AUTS2: variants seen among roughly 807,000 people sequenced by gnomAD.
The protein encoded by AUTS2 is activator of transcription and developmental regulator AUTS2, also known as autism susceptibility gene 2 protein.
AUTS2 carries 17 observed loss-of-function variants against 112.4 expected under a neutral mutation model. The ratio of observed to expected loss-of-function variants is 0.15; its 90% CI spans 0.10 to 0.23. The LOEUF is 0.23. Ranked by LOEUF, AUTS2 falls within the 10% of genes least tolerant of loss-of-function variation. AUTS2 has a pLI of 1.00. For synonymous variants in AUTS2, 751 were observed against 702.7 expected (o/e 1.07, Z -1.09); for missense variants, 1,510 against 1,701.6 (o/e 0.89, Z 1.98).
In AUTS2 at chr7:69,773,496, T is replaced by C. The variant is rs554340790; in HGVS notation, c.310-125790T>C. ...AAAAAAGCTTTAAGAAAAACCTTTT[T>C]CCCCAAGCCTTTGGCTTGGGGAAAG... On this transcript the variant is annotated intron_variant, in intron 1 of 18. Coordinates refer to ENST00000342771, the MANE Select transcript of AUTS2 (RefSeq NM_015570.4). Among the ~76,000 whole-genome samples, 276 of 151,248 alleles carry C rather than the reference T, an allele frequency of 1.8e-3. 1 individual carries two copies. The highest frequency in any genetic ancestry group is 6.5e-3 in the African/African-American group (270 of 41,264).
At chr7:70,093,958 A>G (rs1265234960) in intron 2 of AUTS2, among the ~76,000 whole-genome samples, 1 of 152,240 alleles carries the variant, frequency 6.6e-6, no homozygotes, top group African/African-American at 2.4e-5. Flanking sequence ...TAGGGGCCAG[A>G]TAAAGCAAAT....
At chr7:70,428,501 G>A (rs553591872) in intron 4 of AUTS2, among the ~76,000 whole-genome samples, 23 of 152,244 alleles carry the variant, frequency 1.5e-4, no homozygotes, top group Admixed American at 3.3e-4. Context: ...TAGATAAACC[G>A]CCTGCCCCAA....
intron 6 of AUTS2, among the ~76,000 whole-genome samples, chr7:70,709,481 C>T (rs570146054): frequency 2.5e-4 from 38 of 152,088 alleles, no homozygotes; most frequent in Admixed American, 9.8e-4. Context: ...GAGGCCGAGG[C>T]GGGCGGATCA....
intron 2 of AUTS2, among the ~76,000 whole-genome samples, chr7:70,110,503 T>C (rs987780020): frequency 6.6e-6 from 1 of 152,020 alleles, no homozygotes; most frequent in Non-Finnish European, 1.5e-5. Flanking sequence ...GCACCAAGAG[T>C]GAAACTCCAT....
intron 1 of AUTS2, among the ~76,000 whole-genome samples, chr7:69,733,539 G>A (rs914510100): frequency 1.4e-4 from 22 of 152,148 alleles, no homozygotes; most frequent in African/African-American, 3.6e-4. Flanking sequence ...AAGGGCATAC[G>A]TTGGCATCAT....
intron 1 of AUTS2, among the ~76,000 whole-genome samples, chr7:69,724,395 A>G (rs969036365): frequency 1.3e-5 from 2 of 152,218 alleles, no homozygotes; most frequent in African/African-American, 4.8e-5. Flanking sequence ...TCAAAAGACC[A>G]TGAGACATTT....
At position 69,609,728 on chromosome 7, in the gene AUTS2, C is replaced by T. The variant is rs564531839; in HGVS notation, c.309+9766C>T. ...TTGAAGGCTCAACGAAAATTTTCTT[C>T]GAGGAAATACTTAAAATATTAAATC... On this transcript the variant is annotated intron_variant, in intron 1 of 18. Coordinates refer to ENST00000342771, the MANE Select transcript of AUTS2 (RefSeq NM_015570.4). Among the ~76,000 whole-genome samples the T allele has an allele frequency of 2.6e-5, 4 of 152,198 alleles. No homozygotes were observed. The South Asian group carries it at 8.3e-4, about 32-fold the overall frequency.
At position 70,698,640 on chromosome 7, in the gene AUTS2, CT is replaced by C. The variant is rs1249576253; in HGVS notation, c.742+21del. The stretch of plus-strand genomic sequence containing the variant: ...ACAAAGGTAAGACCCATTCATTCTC[CT>C]GAGTAATGGCTTATTTTTATGTTAG... On this transcript the variant is annotated intron_variant, in intron 6 of 18. Transcript: ENST00000342771. 1 of 1,579,570 alleles carries C rather than the reference CT, an allele frequency of 6.3e-7. No homozygotes were observed. Among genetic ancestry groups the C allele is most frequent in the Admixed American group, 1.7e-5 (1 of 57,424 alleles).
chr7:69,891,774 C>CTTTTTTTTT lies in AUTS2; in HGVS notation c.310-7483_310-7475dup, dbSNP rs763424098. Among the ~76,000 whole-genome samples the CTTTTTTTTT allele has an allele frequency of 6.8e-3, 182 of 26,732 alleles. 79 individuals are homozygous for CTTTTTTTTT. Among genetic ancestry groups the CTTTTTTTTT allele is most frequent in the East Asian group, 0.021 (14 of 680 alleles). The allele number at this position is 26,732 out of a possible 152,430, so 17.5% of individuals were successfully genotyped here. A position where few individuals can be genotyped will look rare whatever the true frequency, so the allele number is the denominator to read the frequency against. On this transcript the variant is annotated intron_variant, in intron 1 of 18. Transcript: ENST00000342771. ...ATTCATTCACTTTCCAGACAGATAT[C>CTTTTTTTTT]TTTTTTTTTTTTTTTTTTTTTTTTT...
intron 1 of AUTS2, among the ~76,000 whole-genome samples, chr7:69,610,078 T>A (rs970223606): frequency 2.0e-5 from 3 of 152,236 alleles, no homozygotes; most frequent in Admixed American, 2.0e-4. Flanking sequence ...ACTATTTTAT[T>A]AATCTTTTAT....
chr7:70,105,749 A>C (rs954069515), intron 2 of AUTS2, among the ~76,000 whole-genome samples: 8 of 152,154 alleles, frequency 5.3e-5, no homozygotes, highest in African/African-American at 1.9e-4. Context: ...CTTACCCCCA[A>C]AATGAAAATC....
At position 70,553,662 on chromosome 7, in the gene AUTS2, G is replaced by A. The variant is rs527447960; in HGVS notation, c.690+117881G>A. ...ACTATAGCAGGAACCACTTTAAATG[G>A]GACAGGGCAAGTAATGCTAAATATT... On this transcript the variant is annotated intron_variant, in intron 5 of 18. Coordinates refer to ENST00000342771, the MANE Select transcript of AUTS2 (RefSeq NM_015570.4). 3.1e-4 allele frequency among the ~76,000 whole-genome samples: 47 copies of A among 151,724 alleles called. 1 individual carries two copies. The highest frequency in any genetic ancestry group is 9.7e-4 in the African/African-American group (40 of 41,396).
At chr7:70,787,503 G>T in intron 18 of AUTS2, 72 bp downstream of exon 18, 1 of 1,123,392 alleles carries the variant, frequency 8.9e-7, no homozygotes, top group Non-Finnish European at 1.3e-6. Context: ...GGAACTGGCC[G>T]CCCACCCTCC....
At chr7:70,147,964 G>A (rs956749972) in intron 4 of AUTS2, among the ~76,000 whole-genome samples, 27 of 152,066 alleles carry the variant, frequency 1.8e-4, no homozygotes, top group African/African-American at 5.6e-4. Flanking sequence ...CTACCAAGAA[G>A]TGATCTCTCT....
intron 1 of AUTS2, among the ~76,000 whole-genome samples, chr7:69,877,882 T>G (rs1793873762): frequency 6.6e-6 from 1 of 151,980 alleles, no homozygotes; most frequent in African/African-American, 2.4e-5. Context: ...TAGTGAAGAA[T>G]GAGTTGTGTG....
chr7:70,407,985 CAGAGCTTGCA>C (rs1271988231), intron 4 of AUTS2, among the ~76,000 whole-genome samples: 2 of 150,102 alleles, frequency 1.3e-5, no homozygotes, highest in African/African-American at 4.9e-5. Context: ...ACCCGGGCGG[CAGAGCTTGCA>C]GTGGGCCGAG....
chr7:69,778,248 T>TATATATA (rs1562876862), intron 1 of AUTS2, among the ~76,000 whole-genome samples: 16 of 52,700 alleles, frequency 3.0e-4, no homozygotes, highest in South Asian at 1.2e-3. Flanking sequence ...ATATATATAT[T>TATATATA]TTTTTTTTTT....
intron 1 of AUTS2, among the ~76,000 whole-genome samples, chr7:69,803,036 A>T (rs549830892): frequency 6.6e-6 from 1 of 152,188 alleles, no homozygotes; most frequent in Non-Finnish European, 1.5e-5. Flanking sequence ...CGTTGTCCAC[A>T]TGACAGTTTG....
intron 5 of AUTS2, among the ~76,000 whole-genome samples, chr7:70,595,099 G>GA (rs11394098): frequency 0.39 from 56,554 of 146,082 alleles, 10,968 homozygotes; most frequent in Middle Eastern, 0.45. Flanking sequence ...ACTGTCTCAA[G>GA]AAAAAAAAAA....
Sources: allele counts gnomAD v4.1 joint callset (sites outside exome capture counted in the v4.1 genomes callset), GRCh38; gene constraint gnomAD v4.1.1; transcripts MANE v1.5; gene names NCBI Gene and HGNC (gene_info 2026-07-23, HGNC 2026-07-21).